Variants in RNF128 observed in about 807,000 individuals in gnomAD.
RNF128 encodes the protein ring finger protein 128.
In RNF128, 13 loss-of-function variants were observed where a neutral mutation model predicts 26.2. The ratio of observed to expected loss-of-function variants is 0.50; its 90% CI spans 0.32 to 0.79. RNF128 has a LOEUF of 0.79. RNF128 is among the 30% of genes least tolerant of loss of function. The pLI is 0.03. For synonymous variants in RNF128, 149 were observed against 142.5 expected, an observed-to-expected ratio of 1.05 and a Z score of -0.32; for missense variants, 315 against 349.7, an observed-to-expected ratio of 0.90 and a Z score of 0.79.
At chrX:106,722,700 G>A (rs192548452), upstream of RNF128, among the ~76,000 whole-genome samples, 236 of 111,419 alleles carry the variant, frequency 2.1e-3, 1 homozygote, top group African/African-American at 7.2e-3. Context: ...CCAAATTCAC[G>A]AGAGACCAAT....
chrX:106,727,748 G>T (rs1929431043), intron 1 of RNF128, among the ~76,000 whole-genome samples: 1 of 111,183 alleles, frequency 9.0e-6, no homozygotes, highest in Non-Finnish European at 1.9e-5. Context: ...TGACCGAGGA[G>T]ATCACCTGGA....
At position 106,793,751 on chromosome X, in the gene RNF128, T is replaced by G. The variant is rs374543950; in HGVS notation, c.1154-1829T>G. 2.9e-4 allele frequency among the ~76,000 whole-genome samples: 32 copies of G among 110,698 alleles called. 2 individuals are homozygous for G. The highest frequency in any genetic ancestry group is 1.9e-3 in the Admixed American group (20 of 10,322). ...GTCTGCTGTTTCCGAGTGATTAAATTTATTGTCCATTTTTGTCAAGAATAC... is the reference window on the plus strand; with the variant it reads ...GTCTGCTGTTTCCGAGTGATTAAATGTATTGTCCATTTTTGTCAAGAATAC... On this transcript the variant is annotated intron_variant, in intron 6 of 6. Coordinates refer to ENST00000255499, the MANE Select transcript of RNF128 (RefSeq NM_194463.2).
intron 6 of RNF128, 27 bp from the exon 7 acceptor site, chrX:106,795,553 T>C: frequency 1.7e-6 from 2 of 1,173,357 alleles, no homozygotes; most frequent in Non-Finnish European, 1.1e-6. Flanking sequence ...GGCAAAATCA[T>C]CCTAAAATTG....
At chrX:106,776,599 A>G (rs1930467433) in intron 2 of RNF128, among the ~76,000 whole-genome samples, 1 of 112,075 alleles carries the variant, frequency 8.9e-6, no homozygotes, top group Non-Finnish European at 1.9e-5. Flanking sequence ...AGAATCTATT[A>G]ACTATTTTAC....
intron 1 of RNF128, among the ~76,000 whole-genome samples, chrX:106,771,466 C>T (rs769313494): frequency 8.9e-6 from 1 of 112,866 alleles, no homozygotes; most frequent in South Asian, 3.7e-4. Flanking sequence ...TACGCCCCTC[C>T]CCCAGCCCCA....
At chrX:106,718,521 TC>T (rs1323031869) in intron 1 of RNF128, among the ~76,000 whole-genome samples, 1 of 108,805 alleles carries the variant, frequency 9.2e-6, no homozygotes, top group Non-Finnish European at 1.9e-5. Flanking sequence ...AAAATGTACC[TC>T]CCCCCACCCC....
At chrX:106,781,384 T>C (rs929233735) in intron 2 of RNF128, among the ~76,000 whole-genome samples, 5 of 111,948 alleles carry the variant, frequency 4.5e-5, no homozygotes, top group African/African-American at 1.6e-4. Context: ...GGGCATATTG[T>C]CTTTAAATGT....
Position 106,712,620 on chromosome X carries a change from T to C in RNF128, c.406+18212T>C, listed in dbSNP as rs201450303. 2.7e-5 allele frequency among the ~76,000 whole-genome samples: 3 copies of C among 111,516 alleles called. No individual in the cohort carries two copies. The East Asian group carries it at 8.5e-4, about 32-fold the overall frequency. On this transcript the variant is annotated intron_variant, in intron 1 of 6. Transcript: ENST00000324342. ...TTTTTCTGCCTACACATCTAAAATG[T>C]TACTCAACTCAGCTATTTTTCCCAT...
chrX:106,694,930 C>T (rs1928852025), intron 1 of RNF128, among the ~76,000 whole-genome samples: 2 of 110,835 alleles, frequency 1.8e-5, no homozygotes, highest in African/African-American at 3.3e-5. Flanking sequence ...CTGATACAAA[C>T]GAATCTGCAA....
At chrX:106,765,999 C>G (rs1425324554) in intron 1 of RNF128, among the ~76,000 whole-genome samples, 6 of 109,257 alleles carry the variant, frequency 5.5e-5, no homozygotes, top group African/African-American at 1.0e-4. Context: ...ATAGTTTGCT[C>G]AGAATGATGG....
At chrX:106,737,223 T>A (rs1012320728) in intron 1 of RNF128, among the ~76,000 whole-genome samples, 8 of 110,968 alleles carry the variant, frequency 7.2e-5, no homozygotes, top group South Asian at 3.8e-4. Flanking sequence ...ATTTTCTTTT[T>A]TTATTATTAT....
intron 1 of RNF128, among the ~76,000 whole-genome samples, chrX:106,731,297 TTTTGGTCCTCCTATG>T (rs1929499329): frequency 9.0e-6 from 1 of 111,466 alleles, no homozygotes; most frequent in Non-Finnish European, 1.9e-5. Flanking sequence ...GAAAAAGATC[TTTTGGTCCTCCTATG>T]TTTGTTGTAC....
intron 1 of RNF128, among the ~76,000 whole-genome samples, chrX:106,734,288 C>T (rs1929551240): frequency 9.0e-6 from 1 of 111,539 alleles, no homozygotes; most frequent in African/African-American, 3.3e-5. Flanking sequence ...TTGAAATATA[C>T]TTACTAGCCT....
chrX:106,772,957 A>G lies in RNF128; in HGVS notation c.529A>G (p.Thr177Ala), dbSNP rs755237340. ...AATCATGATCGGCAATCTGAAAGGC[A>G]CAAAAATTCTGCAATCTATTCAAAG... is the stretch of plus-strand genomic sequence containing the variant. ...VAIMIGNLKG[T>A]KILQSIQRGI... The change falls in exon 2 of 7, where the codon ACA becomes GCA. Residue 177 changes from threonine to alanine, a missense_variant. Transcript: ENST00000255499. The G allele has an allele frequency of 7.4e-5, 89 of 1,210,733 alleles. No individual in the cohort carries two copies. Among genetic ancestry groups the G allele is most frequent in the Non-Finnish European group, 9.9e-5 (89 of 894,721 alleles).
rs377253287 is a variant in RNF128, at chrX:106,754,748, G to T, written c.485-18165G>T. Reference sequence around the variant, plus strand: ...AAAATTTCTTGAAACAAGTGGAAATGAAAACAAAATGTAACAAAACCTATG... The same window carrying T: ...AAAATTTCTTGAAACAAGTGGAAATTAAAACAAAATGTAACAAAACCTATG... On this transcript the variant is annotated intron_variant, in intron 1 of 6. Transcript: ENST00000255499. Among the ~76,000 whole-genome samples the T allele has an allele frequency of 3.6e-5, 4 of 110,375 alleles. No homozygotes were observed. The East Asian group carries it at 8.5e-4, about 23-fold the overall frequency.
Position 106,772,986 on chromosome X carries a change from C to T in RNF128, c.558C>T (p.Gly186=). 1 of 1,210,668 alleles carries T rather than the reference C, an allele frequency of 8.3e-7. No homozygotes were observed. The highest frequency in any genetic ancestry group is 1.1e-6 in the Non-Finnish European group (1 of 894,618). ...GTKILQSIQR[G]IQVTMVIEVG... ...AAATTCTGCAATCTATTCAAAGAGG[C>T]ATACAAGTGACAATGGTCATAGAAG... is the stretch of plus-strand genomic sequence containing the variant. Residue 186 remains glycine (G), a synonymous_variant, in exon 2 of 7, where the codon GGC becomes GGT. Coordinates refer to ENST00000255499, the MANE Select transcript of RNF128 (RefSeq NM_194463.2).
intron 6 of RNF128, among the ~76,000 whole-genome samples, chrX:106,791,842 T>G (rs1490626918): frequency 4.5e-5 from 5 of 111,510 alleles, no homozygotes; most frequent in African/African-American, 1.6e-4. Context: ...GTTCTGTTTT[T>G]CCCTATAAAG....
intron 4 of RNF128, 98 bp from the exon 5 acceptor site, chrX:106,790,088 C>A: frequency 2.1e-6 from 1 of 485,904 alleles, no homozygotes. Context: ...GGCATCCATT[C>A]AAAGACTAAA....
chrX:106,733,327 C>G (rs752291117), intron 1 of RNF128, among the ~76,000 whole-genome samples: 3 of 111,141 alleles, frequency 2.7e-5, no homozygotes, highest in African/African-American at 9.8e-5. Flanking sequence ...CTTTTCCCCC[C>G]TCAGTCCCTG....
Sources: gnomAD v4.1 joint callset for allele counts (sites outside exome capture counted in the v4.1 genomes callset) on GRCh38, gnomAD v4.1.1 for gene constraint, MANE v1.5 for transcripts, NCBI Gene and HGNC (gene_info 2026-07-23, HGNC 2026-07-21) for gene names.